Variants in CREB5 observed in about 807,000 individuals in gnomAD.
CREB5 encodes cyclic AMP-responsive element-binding protein 5.
Under a neutral mutation model 57.1 loss-of-function variants are expected in CREB5, and 19 were observed. The observed-to-expected ratio is 0.33, with a 90% CI of 0.23 to 0.49. The LOEUF (loss-of-function observed/expected upper bound fraction) is 0.49, where lower values mean the gene tolerates loss of function less well. CREB5 is among the 20% of genes least tolerant of loss of function. The pLI is 0.99. For synonymous variants in CREB5, 238 were observed against 238.3 expected (o/e 1.00, Z 0.01); for missense variants, 579 against 671.6 (o/e 0.86, Z 1.52).
intron 1 of CREB5, among the ~76,000 whole-genome samples, chr7:28,325,454 C>CAA (rs59632895): frequency 7.4e-6 from 1 of 135,674 alleles, no homozygotes; most frequent in Non-Finnish European, 1.6e-5. Context: ...GACTCCATCT[C>CAA]AAAAAAAAAA....
intron 1 of CREB5, among the ~76,000 whole-genome samples, chr7:28,376,675 A>C (rs1260333819): frequency 6.6e-6 from 1 of 152,214 alleles, no homozygotes; most frequent in Non-Finnish European, 1.5e-5. Context: ...TATGTTAGAC[A>C]CATGTTCTAT....
chr7:28,796,981 C>T (rs751768936), intron 7 of CREB5, among the ~76,000 whole-genome samples: 3 of 152,304 alleles, frequency 2.0e-5, no homozygotes, highest in African/African-American at 2.4e-5. Context: ...GTCCAAGAGA[C>T]GCAGGGAAGT....
chr7:28,606,046 T>TA (rs1261572433), intron 5 of CREB5, among the ~76,000 whole-genome samples: 2 of 152,210 alleles, frequency 1.3e-5, no homozygotes, highest in African/African-American at 2.4e-5. Flanking sequence ...GTTGATTTTT[T>TA]AAAAATTGCA....
intron 1 of CREB5, among the ~76,000 whole-genome samples, chr7:28,449,780 T>C (rs1789699000): frequency 6.6e-6 from 1 of 152,242 alleles, no homozygotes; most frequent in Admixed American, 6.5e-5. Context: ...GTCGAATTGG[T>C]TAACTTTTTA....
Position 28,436,653 on chromosome 7 carries a change from A to C in CREB5, c.3+23736A>C, listed in dbSNP as rs192921565. On this transcript the variant is annotated intron_variant, in intron 1 of 10. Coordinates refer to ENST00000357727, the MANE Select transcript of CREB5 (RefSeq NM_182898.4). Reference sequence around the variant, plus strand: ...TTAGATGCAATTGTCATTTTTTCCTAAACAAGTACAATTTCCAAGGCATTT... The same window carrying C: ...TTAGATGCAATTGTCATTTTTTCCTCAACAAGTACAATTTCCAAGGCATTT... 1.4e-4 allele frequency among the ~76,000 whole-genome samples: 21 copies of C among 152,300 alleles called. No individual in the cohort carries two copies. In the East Asian group the frequency reaches 3.9e-3, roughly 28 times the overall value.
At chr7:28,574,214 A>T (rs1229054245) in intron 5 of CREB5, among the ~76,000 whole-genome samples, 3 of 152,238 alleles carry the variant, frequency 2.0e-5, no homozygotes, top group Non-Finnish European at 4.4e-5. Flanking sequence ...AGTGAGACAG[A>T]AAACAAGCAT....
chr7:28,376,520 T>A (rs1019285587), intron 1 of CREB5, among the ~76,000 whole-genome samples: 2 of 152,174 alleles, frequency 1.3e-5, no homozygotes, highest in Admixed American at 6.5e-5. Context: ...TCCACCTGCC[T>A]CAGCTTCCCA....
intron 5 of CREB5, among the ~76,000 whole-genome samples, chr7:28,694,621 G>A (rs1023337129): frequency 6.6e-6 from 1 of 152,176 alleles, no homozygotes; most frequent in Non-Finnish European, 1.5e-5. Context: ...ACAGCTCACT[G>A]CAGCCTCGAA....
chr7:28,555,863 T>C (rs1794843883), intron 4 of CREB5, among the ~76,000 whole-genome samples: 1 of 152,242 alleles, frequency 6.6e-6, no homozygotes, highest in African/African-American at 2.4e-5. Context: ...TATTATTTCT[T>C]AGTCTATCAA....
chr7:28,368,512 A>G (rs1454622356), intron 1 of CREB5, among the ~76,000 whole-genome samples: 1 of 152,160 alleles, frequency 6.6e-6, no homozygotes, highest in Non-Finnish European at 1.5e-5. Context: ...CTGTCTTGCT[A>G]ACAGAACTCC....
chr7:28,482,367 C>G (rs972183870), intron 1 of CREB5, among the ~76,000 whole-genome samples: 11 of 152,162 alleles, frequency 7.2e-5, no homozygotes, highest in African/African-American at 2.4e-4. Flanking sequence ...GCCCTTCTGA[C>G]AGATGTATTG....
intron 5 of CREB5, among the ~76,000 whole-genome samples, chr7:28,593,149 C>T (rs1796582395): frequency 6.6e-6 from 1 of 152,230 alleles, no homozygotes. Flanking sequence ...GATAACCACA[C>T]TCACACATAT....
At chr7:28,618,306 GAGA>G (rs1261066624) in intron 5 of CREB5, among the ~76,000 whole-genome samples, 2 of 152,178 alleles carry the variant, frequency 1.3e-5, no homozygotes, top group Admixed American at 6.5e-5. Context: ...GACAGAGCTA[GAGA>G]AGAAGGAGGA....
rs376538257 is a variant in CREB5, at chr7:28,594,452, G to A, written c.464+23915G>A. ...TTTAAGGCCTGGATAAATATAGGCT[G>A]CCTAGTCTTTCAAACATTCCTGGGG... On this transcript the variant is annotated intron_variant, in intron 5 of 10. Transcript: ENST00000357727. 3.3e-5 allele frequency among the ~76,000 whole-genome samples: 5 copies of A among 151,126 alleles called. No individual in the cohort carries two copies. The East Asian group carries it at 6.1e-4, about 18-fold the overall frequency.
chr7:28,627,668 A>G (rs17156942), intron 5 of CREB5, among the ~76,000 whole-genome samples: 18,638 of 152,110 alleles, frequency 0.12, 1,580 homozygotes, highest in East Asian at 0.35. Flanking sequence ...TCATTCACAG[A>G]TTGGTGGGAT....
rs377129149 is a variant in CREB5 at position 28,506,744 on chromosome 7, A to G, written c.170-872A>G. 1.5e-4 allele frequency among the ~76,000 whole-genome samples: 23 copies of G among 152,364 alleles called. No individual in the cohort carries two copies. In the South Asian group the frequency reaches 4.6e-3, roughly 30 times the overall value. On this transcript the variant is annotated intron_variant, in intron 3 of 10. Coordinates refer to ENST00000357727, the MANE Select transcript of CREB5 (RefSeq NM_182898.4). ...TCACCAAGGAAGATGATTGCACTCA[A>G]TGACGATGGAAGTGCAATTCTACTC... is the stretch of plus-strand genomic sequence containing the variant.
chr7:28,802,066 G>A lies in CREB5; in HGVS notation c.703-2133G>A, dbSNP rs560201694. On this transcript the variant is annotated intron_variant, in intron 7 of 10. Transcript: ENST00000357727. Reference sequence around the variant, plus strand: ...CTGCACTCCAGCCTGGCGACACAGCGAGACTCCATCTGAAAAAAAAAAAAA... The same window carrying A: ...CTGCACTCCAGCCTGGCGACACAGCAAGACTCCATCTGAAAAAAAAAAAAA... 9.5e-4 allele frequency among the ~76,000 whole-genome samples: 98 copies of A among 103,338 alleles called. 1 individual carries two copies. Among genetic ancestry groups the A allele is most frequent in the Non-Finnish European group, 1.3e-3 (72 of 55,470 alleles). The allele number at this position is 103,338 out of a possible 152,430, so 67.8% of individuals were successfully genotyped here.
chr7:28,472,906 G>A (rs1790890262), intron 1 of CREB5, among the ~76,000 whole-genome samples: 1 of 152,090 alleles, frequency 6.6e-6, no homozygotes, highest in Non-Finnish European at 1.5e-5. Flanking sequence ...CTGCAGCCTT[G>A]CCAGCCTTCT....
intron 1 of CREB5, among the ~76,000 whole-genome samples, chr7:28,316,806 C>T (rs1012848296): frequency 6.6e-6 from 1 of 152,068 alleles, no homozygotes; most frequent in Non-Finnish European, 1.5e-5. Flanking sequence ...AATCTCCTCA[C>T]TGATTCACAG....
Sources: allele counts gnomAD v4.1 joint callset (sites outside exome capture counted in the v4.1 genomes callset), GRCh38; gene constraint gnomAD v4.1.1; transcripts MANE v1.5; gene names NCBI Gene and HGNC (gene_info 2026-07-23, HGNC 2026-07-21).